Variants in ROBO2 observed in about 807,000 individuals in gnomAD.
ROBO2 encodes roundabout guidance receptor 2, also known as roundabout homolog 2.
Under a neutral mutation model 160.8 loss-of-function variants are expected in ROBO2, and 53 were observed. The observed-to-expected ratio is 0.33, with a 90% CI of 0.26 to 0.41. The LOEUF is 0.41. ROBO2 is among the 10% of genes least tolerant of loss of function. The probability of loss-of-function intolerance (pLI) is 1.00; values close to 1 mark genes in which losing one functional copy is unlikely to be tolerated. For missense variants in ROBO2, 1,577 were observed against 1,722.4 expected (o/e 0.92, Z 1.49); for synonymous variants, 664 against 611.7 (o/e 1.09, Z -1.26).
intron 2 of ROBO2, among the ~76,000 whole-genome samples, chr3:77,384,512 A>G (rs571506095): frequency 1.3e-5 from 2 of 152,304 alleles, no homozygotes; most frequent in East Asian, 1.9e-4. Context: ...CCTCTCTCCA[A>G]CTTTTAGAAA....
intron 2 of ROBO2, among the ~76,000 whole-genome samples, chr3:76,239,477 G>C (rs1274709330): frequency 1.3e-5 from 2 of 152,022 alleles, no homozygotes; most frequent in Non-Finnish European, 2.9e-5. Flanking sequence ...TTTGGGTGTA[G>C]GTTCAAACCA....
intron 2 of ROBO2, among the ~76,000 whole-genome samples, chr3:76,519,806 G>A (rs956954179): frequency 6.6e-6 from 1 of 152,126 alleles, no homozygotes. Flanking sequence ...TCTGGCTTCA[G>A]GTTTAAGTAC....
chr3:76,293,605 A>T (rs1708917611), intron 2 of ROBO2, among the ~76,000 whole-genome samples: 1 of 152,194 alleles, frequency 6.6e-6, no homozygotes. Context: ...CTGATTGATT[A>T]TGTGGAAGAC....
intron 2 of ROBO2, among the ~76,000 whole-genome samples, chr3:76,571,956 T>A (rs1381169811): frequency 6.6e-6 from 1 of 152,138 alleles, no homozygotes; most frequent in Non-Finnish European, 1.5e-5. Context: ...AGCCTGGATA[T>A]CATTGATGTA....
intron 2 of ROBO2, among the ~76,000 whole-genome samples, chr3:76,117,326 A>G (rs1392904708): frequency 6.6e-6 from 1 of 152,206 alleles, no homozygotes; most frequent in Non-Finnish European, 1.5e-5. Flanking sequence ...AGCTGAAGGA[A>G]CTGATTAAAT....
At chr3:76,437,598 CAAAA>C (rs1348220638) in intron 2 of ROBO2, among the ~76,000 whole-genome samples, 2 of 151,704 alleles carry the variant, frequency 1.3e-5, no homozygotes, top group African/African-American at 4.8e-5. Context: ...TTTAATAAAA[CAAAA>C]AAGGGATGTT....
At chr3:77,366,125 A>G (rs1464890319) in intron 2 of ROBO2, among the ~76,000 whole-genome samples, 24 of 152,326 alleles carry the variant, frequency 1.6e-4, no homozygotes, top group Non-Finnish European at 2.1e-4. Flanking sequence ...AAAGAAGTAC[A>G]TGTTACATTA....
intron 2 of ROBO2, among the ~76,000 whole-genome samples, chr3:76,555,983 T>C (rs2083767480): frequency 1.3e-5 from 2 of 151,954 alleles, no homozygotes; most frequent in South Asian, 2.1e-4. Flanking sequence ...CTGAGCTACT[T>C]GGCAGGCTGA....
chr3:76,221,455 C>A (rs1448859097), intron 2 of ROBO2, among the ~76,000 whole-genome samples: 1 of 151,912 alleles, frequency 6.6e-6, no homozygotes, highest in Non-Finnish European at 1.5e-5. Flanking sequence ...TGAGCAGTGC[C>A]ACTCTCATTT....
chr3:77,452,408 T>TCC (rs1411205752), intron 2 of ROBO2, among the ~76,000 whole-genome samples: 1 of 152,146 alleles, frequency 6.6e-6, no homozygotes, highest in Non-Finnish European at 1.5e-5. Flanking sequence ...ATAGTTAAAA[T>TCC]CAGATAAACT....
intron 2 of ROBO2, among the ~76,000 whole-genome samples, chr3:77,361,148 G>T (rs140266674): frequency 5.9e-5 from 9 of 152,070 alleles, no homozygotes; most frequent in Non-Finnish European, 4.4e-5. Context: ...TTAAAGTAAG[G>T]TTGCCAGATT....
At chr3:76,933,535 A>G (rs777586952) in intron 2 of ROBO2, among the ~76,000 whole-genome samples, 2 of 152,214 alleles carry the variant, frequency 1.3e-5, no homozygotes, top group Admixed American at 6.5e-5. Flanking sequence ...GTAATTTTTA[A>G]TCAACTCTAA....
chr3:76,748,182 G>T (rs1455112212), intron 2 of ROBO2, among the ~76,000 whole-genome samples: 1 of 151,888 alleles, frequency 6.6e-6, no homozygotes, highest in African/African-American at 2.4e-5. Context: ...ACTCTACATT[G>T]TTGTTAGTGA....
intron 2 of ROBO2, among the ~76,000 whole-genome samples, chr3:76,360,851 C>A (rs953484146): frequency 6.6e-6 from 1 of 151,928 alleles, no homozygotes; most frequent in Non-Finnish European, 1.5e-5. Flanking sequence ...GACAGAACGG[C>A]CACATTGTGA....
intron 2 of ROBO2, among the ~76,000 whole-genome samples, chr3:77,377,543 A>G (rs2072856278): frequency 6.6e-6 from 1 of 152,254 alleles, no homozygotes; most frequent in East Asian, 1.9e-4. Context: ...ATACAAGTTG[A>G]GTTTTGTTCG....
intron 2 of ROBO2, among the ~76,000 whole-genome samples, chr3:76,316,207 G>C (rs756377723): frequency 6.6e-6 from 1 of 152,104 alleles, no homozygotes; most frequent in Non-Finnish European, 1.5e-5. Context: ...AAATTTACCA[G>C]GGCTGGTGTT....
At chr3:76,518,197 G>A (rs1435041690) in intron 2 of ROBO2, among the ~76,000 whole-genome samples, 2 of 152,112 alleles carry the variant, frequency 1.3e-5, no homozygotes, top group African/African-American at 2.4e-5. Context: ...CAGTCCACAA[G>A]AGGCATGGAA....
chr3:76,126,497 C>A (rs1235459563), intron 2 of ROBO2, among the ~76,000 whole-genome samples: 1 of 151,944 alleles, frequency 6.6e-6, no homozygotes, highest in Non-Finnish European at 1.5e-5. Flanking sequence ...TTTAAAAAAA[C>A]CACCTGGATT....
intron 23 of ROBO2, chr3:77,629,924 T>C (rs1240468154): frequency 3.9e-5 from 6 of 152,182 alleles, no homozygotes; most frequent in African/African-American, 1.4e-4. Context: ...ATCTCCAGAA[T>C]TCCATTGTCT....
Sources: gnomAD v4.1 joint callset for allele counts (sites outside exome capture counted in the v4.1 genomes callset) on GRCh38, gnomAD v4.1.1 for gene constraint, MANE v1.5 for transcripts, NCBI Gene and HGNC (gene_info 2026-07-23, HGNC 2026-07-21) for gene names.